Variants in POU2F2 observed in about 807,000 individuals in gnomAD.
POU2F2 encodes POU class 2 homeobox 2, also known as POU domain, class 2, transcription factor 2.
Under a neutral mutation model 63.5 loss-of-function variants are expected in POU2F2, and 14 were observed. The observed-to-expected ratio is 0.22, with a 90% CI of 0.15 to 0.34. POU2F2 has a LOEUF of 0.34. Ranked by LOEUF, POU2F2 falls within the 10% of genes least tolerant of loss-of-function variation. POU2F2 has a pLI of 1.00. For missense variants in POU2F2, 607 were observed against 815.2 expected (o/e 0.74, Z 3.11); for synonymous variants, 306 against 348.6 (o/e 0.88, Z 1.36).
chr19:42,144,652 C>T (rs1202959991), intron 2 of POU2F2, among the ~76,000 whole-genome samples: 1 of 152,268 alleles, frequency 6.6e-6, no homozygotes, highest in African/African-American at 2.4e-5. Flanking sequence ...AGAGCAGCTA[C>T]ATGGCACCTG....
chr19:42,187,414 T>C (rs1008077648), intron 1 of POU2F2, among the ~76,000 whole-genome samples: 10 of 136,090 alleles, frequency 7.3e-5, no homozygotes, highest in South Asian at 4.6e-4. Context: ...GAGGCTACAG[T>C]GAGCTGAGAT....
At position 42,099,609 on chromosome 19, in the gene POU2F2, G is replaced by T. The variant is rs2077050852; in HGVS notation, c.485C>A (p.Pro162Gln). ...AGGTAGCTGGAATAGATTTGGTGTCGGTAGCAGGCCTGGAAAGACAAGGGG... is the reference window on the plus strand; with the variant it reads ...AGGTAGCTGGAATAGATTTGGTGTCTGTAGCAGGCCTGGAAAGACAAGGGG... ...QAQQSQPGLL[P>Q]TPNLFQLPQQ... The change falls in exon 7 of 15, where the codon CCG (proline) becomes CAG (glutamine). Residue 162 changes from proline (P) to glutamine (Q), a missense_variant. By Grantham distance (76) the Pro-to-Gln change is moderately conservative. Transcript: ENST00000692977. The T allele has an allele frequency of 1.2e-6, 2 of 1,613,770 alleles. No individual in the cohort carries two copies. Among genetic ancestry groups the T allele is most frequent in the East Asian group, 2.2e-5 (1 of 44,876 alleles).
Position 42,091,107 on chromosome 19 carries a change from TTTTTGGTTGGTTG to T in POU2F2, c.*137_*149del. On this transcript the variant is annotated 3_prime_UTR_variant, in exon 15 of 15. Coordinates refer to ENST00000692977, the MANE Select transcript of POU2F2 (RefSeq NM_001394376.1). ...TTAGTTTCTTTCCTTTTTTTTTTTT[TTTTTGGTTGGTTG>T]TTTTTTTGGTCTTTCCTCCCTTGTC... The T allele has an allele frequency of 3.4e-6, 2 of 585,166 alleles. No individual in the cohort carries two copies. The highest frequency in any genetic ancestry group is 5.2e-6 in the Non-Finnish European group (2 of 383,520). The allele number at this position is 585,166 out of a possible 1,614,324, so 36.2% of individuals were successfully genotyped here.
intron 1 of POU2F2, among the ~76,000 whole-genome samples, chr19:42,128,378 G>A (rs529907492): frequency 1.7e-4 from 26 of 152,234 alleles, no homozygotes; most frequent in Non-Finnish European, 2.9e-4. Context: ...AGTGGTTTGA[G>A]GGAAATTTTT....
chr19:42,181,156 T>C (rs988504386), intron 1 of POU2F2, among the ~76,000 whole-genome samples: 1 of 152,240 alleles, frequency 6.6e-6, no homozygotes, highest in Non-Finnish European at 1.5e-5. Flanking sequence ...AATCCGCACA[T>C]GCAGGTTGTC....
intron 1 of POU2F2, among the ~76,000 whole-genome samples, chr19:42,170,401 T>TC (rs1023311924): frequency 1.2e-4 from 16 of 137,754 alleles, no homozygotes; most frequent in Admixed American, 3.0e-4. Flanking sequence ...CATCGCTTCT[T>TC]CCCCACCCCA....
At chr19:42,132,288 G>T in intron 1 of POU2F2, 96 bp downstream of exon 1, 1 of 1,398,488 alleles carries the variant, frequency 7.2e-7, no homozygotes, top group Admixed American at 2.1e-5. Flanking sequence ...AAGGACAATG[G>T]AGACAGCTGA....
rs1043403588 is a variant in POU2F2, at chr19:42,150,601, C to T, written c.-9+9731G>A. Among the ~76,000 whole-genome samples the T allele has an allele frequency of 1.5e-4, 23 of 151,454 alleles. No individual in the cohort carries two copies. In the East Asian group the frequency reaches 2.9e-3, roughly 19 times the overall value. Reference sequence around the variant, plus strand: ...AGGGCTCAGCGCAGAGGCCGGCGGCCGGCCTTCGCAGCGACCAGGGCCCGA... The same window carrying T: ...AGGGCTCAGCGCAGAGGCCGGCGGCTGGCCTTCGCAGCGACCAGGGCCCGA... On this transcript the variant is annotated intron_variant, in intron 2 of 6. Coordinates refer to the POU2F2 transcript ENST00000524801.
At position 42,095,742 on chromosome 19, in the gene POU2F2, G is replaced by C; in HGVS notation, c.871+46C>G. ...CATGAGAAGGGGCCTCCCGCGGCCA[G>C]CGGCCACTGCCCGCCCCCTACGCGG... On this transcript the variant is annotated intron_variant, in intron 9 of 14. Transcript: ENST00000692977. The surrounding 1 kb of genome is among the most constrained non-coding windows in gnomAD (Gnocchi z 7.1). 6.2e-7 allele frequency: 1 copy of C among 1,612,802 alleles called. No homozygotes were observed.
chr19:42,145,600 T>G (rs951389869), intron 2 of POU2F2, among the ~76,000 whole-genome samples: 5 of 152,184 alleles, frequency 3.3e-5, no homozygotes, highest in African/African-American at 1.2e-4. Context: ...TTTACTGAGA[T>G]GGACACAAGC....
intron 5 of POU2F2, among the ~76,000 whole-genome samples, chr19:42,100,099 T>A: frequency 7.9e-6 from 1 of 127,386 alleles, no homozygotes; most frequent in African/African-American, 3.0e-5. Context: ...TTTTTTTTTT[T>A]TTTTTTTTTT....
intron 2 of POU2F2, among the ~76,000 whole-genome samples, chr19:42,143,692 C>A (rs1026959904): frequency 7.2e-5 from 11 of 152,190 alleles, no homozygotes; most frequent in Admixed American, 6.5e-4. Flanking sequence ...TTCCTCCAAG[C>A]TGTCTGCCTT....
intron 1 of POU2F2, among the ~76,000 whole-genome samples, chr19:42,188,858 GAA>G (rs1379968440): frequency 1.4e-5 from 2 of 141,754 alleles, no homozygotes; most frequent in Non-Finnish European, 3.0e-5. Context: ...GAAAGAGAGA[GAA>G]AGAAAGAAAG....
chr19:42,177,024 G>T, upstream of POU2F2: 1 of 151,870 alleles, frequency 6.6e-6, no homozygotes, highest in South Asian at 1.9e-4. Context: ...GCGGGCGGGC[G>T]GGCGGGCAGG....
At chr19:42,189,526 T>A (rs1415656838) in intron 1 of POU2F2, among the ~76,000 whole-genome samples, 1 of 152,216 alleles carries the variant, frequency 6.6e-6, no homozygotes, top group East Asian at 1.9e-4. Context: ...TCTCCCTCTG[T>A]TGTGAGTGCC....
intron 12 of POU2F2, 110 bp downstream of exon 12, chr19:42,093,719 C>T: frequency 8.7e-7 from 1 of 1,149,584 alleles, no homozygotes; most frequent in Non-Finnish European, 1.3e-6. Context: ...CCCACACTCC[C>T]CAGGCCCAGT....
Position 42,122,384 on chromosome 19 carries a change from AAG to A in POU2F2, c.95-8_95-7del. 1 of 1,612,484 alleles carries A rather than the reference AAG, an allele frequency of 6.2e-7. No homozygotes were observed. The highest frequency in any genetic ancestry group is 8.5e-7 in the Non-Finnish European group (1 of 1,179,540). ...TGGTCCATTTCTTTCGGTGTCTGCA[AAG>A]AGAGGGAAAGGATGTGTTGTCATCA... is the stretch of plus-strand genomic sequence containing the variant. On this transcript the variant is annotated splice_region_variant and splice_polypyrimidine_tract_variant and intron_variant, in intron 2 of 14. Transcript: ENST00000692977.
chr19:42,087,932 G>A lies in POU2F2; in HGVS notation c.*3325C>T, dbSNP rs1182560702. 2.0e-5 allele frequency: 3 copies of A among 152,274 alleles called. No homozygotes were observed. Among genetic ancestry groups the A allele is most frequent in the Non-Finnish European group, 2.9e-5 (2 of 68,132 alleles). The allele number at this position is 152,274 out of a possible 1,614,324, so 9.4% of individuals were successfully genotyped here. A position where few individuals can be genotyped will look rare whatever the true frequency, so the allele number is the denominator to read the frequency against. ...AACGATGAGATAGTTTTGTTTCCCGGAGTCGAGACGGGGGACCAGAGTGTA... is the reference window on the plus strand; with the variant it reads ...AACGATGAGATAGTTTTGTTTCCCGAAGTCGAGACGGGGGACCAGAGTGTA... On this transcript the variant is annotated 3_prime_UTR_variant, in exon 15 of 15. Transcript: ENST00000692977.
chr19:42,191,147 T>G (rs933367347), intron 1 of POU2F2, among the ~76,000 whole-genome samples: 8 of 152,192 alleles, frequency 5.3e-5, no homozygotes, highest in Non-Finnish European at 1.0e-4. Context: ...CATTTTCCAT[T>G]TGCCCTCCAG....
Sources: gnomAD v4.1 joint callset for allele counts (sites outside exome capture counted in the v4.1 genomes callset) on GRCh38, gnomAD v4.1.1 for gene constraint, Gnocchi (gnomAD v3.1) non-coding constraint, MANE v1.5 for transcripts, NCBI Gene and HGNC (gene_info 2026-07-23, HGNC 2026-07-21) for gene names.